KCNQ2: variants seen among roughly 807,000 people sequenced by gnomAD.
KCNQ2 encodes potassium voltage-gated channel subfamily KQT member 2.
In KCNQ2, 14 loss-of-function variants were observed where a neutral mutation model predicts 84.8. That is an observed-to-expected ratio of 0.17 (90% CI 0.11 to 0.26). The LOEUF is 0.26. KCNQ2 is among the 10% of genes least tolerant of loss of function. The pLI is 1.00. For missense variants in KCNQ2, 788 were observed against 1,254.0 expected, an observed-to-expected ratio of 0.63 and a Z score of 5.61; for synonymous variants, 599 against 554.1, an observed-to-expected ratio of 1.08 and a Z score of -1.14.
Position 63,407,390 on chromosome 20 carries a change from G to T in KCNQ2, c.1888-15C>A. 6.3e-7 allele frequency: 1 copy of T among 1,597,646 alleles called. No homozygotes were observed. Among genetic ancestry groups the T allele is most frequent in the Non-Finnish European group, 8.5e-7 (1 of 1,179,538 alleles). ...ATGGACAAGACCTGCAAAAGGGGCTGCTGGGCTGGGGTGCGAGGGCCCGTC... is the reference window on the plus strand; with the variant it reads ...ATGGACAAGACCTGCAAAAGGGGCTTCTGGGCTGGGGTGCGAGGGCCCGTC... On this transcript the variant is annotated splice_polypyrimidine_tract_variant and intron_variant, in intron 16 of 16. Transcript: ENST00000359125. This position sits in a 1 kb window ranked among gnomAD's most constrained non-coding sequence, Gnocchi z 7.2.
At chr20:63,415,160 A>C in intron 12 of KCNQ2, 34 bp from the exon 13 acceptor site, 1 of 430,936 alleles carries the variant, frequency 2.3e-6, no homozygotes, top group South Asian at 3.3e-5. Context: ...CAGACAGAAA[A>C]ACAGGGAGAG....
At chr20:63,443,255 A>G (rs1276425424) in intron 4 of KCNQ2, among the ~76,000 whole-genome samples, 2 of 46,128 alleles carry the variant, frequency 4.3e-5, no homozygotes, top group African/African-American at 1.9e-4. Flanking sequence ...TCACATCACC[A>G]TCGCCACCAT....
chr20:63,472,172 A>G lies in KCNQ2; in HGVS notation c.292T>C (p.Tyr98His). The change falls in exon 1 of 17, where the codon TAC (tyrosine) becomes CAC (histidine). Residue 98 changes from tyrosine to histidine, a missense_variant. By Grantham distance (83) the Tyr-to-His change is moderately conservative. This residue lies in a region of KCNQ2 where 106 missense variants were observed against 214.8 expected (regional missense o/e 0.49). Transcript: ENST00000359125. Reference sequence around the variant, plus strand: ...GGGGCCCCGCCGGCCACTCACACGTAGGCGTGGTAGATGAACGCCCAGCCG... The same window carrying G: ...GGGGCCCCGCCGGCCACTCACACGTGGGCGTGGTAGATGAACGCCCAGCCG... ...PRGWAFIYHA[Y>H]VFLLVFSCLV... The G allele has an allele frequency of 6.6e-7, 1 of 1,523,244 alleles. No homozygotes were observed. Among genetic ancestry groups the G allele is most frequent in the Non-Finnish European group, 8.8e-7 (1 of 1,135,888 alleles). The allele number at this position is 1,523,244 out of a possible 1,614,324, so 94.4% of individuals were successfully genotyped here.
chr20:63,433,687 A>C, intron 8 of KCNQ2, 122 bp downstream of exon 8: 3 of 1,580,110 alleles, frequency 1.9e-6, no homozygotes, highest in Non-Finnish European at 2.6e-6. Context: ...CTCCTTTGTG[A>C]AAAATACATT....
At position 63,413,975 on chromosome 20, in the gene KCNQ2, A is replaced by G. The variant is rs1179128526; in HGVS notation, c.1631+113T>C. On this transcript the variant is annotated intron_variant, in intron 14 of 16. Transcript: ENST00000359125. ...TCTTAGCCCTTTCTTTTCCCAGTAG[A>G]CTCTGTCTCTGGGCGGCTCTGTCCA... The G allele has an allele frequency of 1.1e-4, 84 of 795,332 alleles. No individual in the cohort carries two copies. In the East Asian group the frequency reaches 2.0e-3, roughly 19 times the overall value. 49.3% of individuals were successfully genotyped at this position (795,332 alleles called of 1,614,324 possible).
In KCNQ2 at chr20:63,444,659, C is replaced by A; in HGVS notation, c.690G>T (p.Lys230Asn). The A allele has an allele frequency of 6.4e-7, 1 of 1,552,500 alleles. No individual in the cohort carries two copies. The highest frequency in any genetic ancestry group is 8.7e-7 in the Non-Finnish European group (1 of 1,144,236). ...CGCCAGCCTTGGGGCCGTGACTCAC[C>A]TTGCTGTGGGCATAGACCACAGAGC... is the stretch of plus-strand genomic sequence containing the variant. ...LLGSVVYAHSKELVTAWYIGF... is the reference protein window; with the variant it reads ...LLGSVVYAHSNELVTAWYIGF... The change falls in exon 4 of 17, where the codon AAG becomes AAT. Residue 230 changes from lysine to asparagine, a missense_variant and splice_region_variant. Lys to Asn is a moderately conservative substitution (Grantham distance 94, BLOSUM62 0). Coordinates refer to ENST00000359125, the MANE Select transcript of KCNQ2 (RefSeq NM_172107.4).
chr20:63,438,449 C>A lies in KCNQ2; in HGVS notation c.1023+176G>T. The A allele has an allele frequency of 1.5e-6, 1 of 668,090 alleles. No homozygotes were observed. The highest frequency in any genetic ancestry group is 2.1e-5 in the Admixed American group (1 of 47,456). 41.4% of individuals were successfully genotyped at this position (668,090 alleles called of 1,614,324 possible). Reference sequence around the variant, plus strand: ...CCCTGTGCAGCCTCAGGGGTTGGAGCCATTTCTCAACACACACACTTCACA... The same window carrying A: ...CCCTGTGCAGCCTCAGGGGTTGGAGACATTTCTCAACACACACACTTCACA... On this transcript the variant is annotated intron_variant, in intron 7 of 16. Transcript: ENST00000359125. The surrounding 1 kb of genome is among the most constrained non-coding windows in gnomAD (Gnocchi z 5.1).
intron 12 of KCNQ2, among the ~76,000 whole-genome samples, chr20:63,419,224 C>CCG (rs1482948034): frequency 6.6e-6 from 1 of 152,050 alleles, no homozygotes; most frequent in African/African-American, 2.4e-5. Flanking sequence ...GAGCTGCCTC[C>CCG]CGCGGTCGAG....
intron 11 of KCNQ2, 130 bp downstream of exon 11, chr20:63,424,047 G>GTCACACAGTC (rs1441942975): frequency 9.7e-7 from 1 of 1,035,644 alleles, no homozygotes; most frequent in Non-Finnish European, 1.5e-6. Flanking sequence ...TGGACCCGCA[G>GTCACACAGTC]TCACACAGTC....
chr20:63,449,453 T>C (rs1478063273), intron 1 of KCNQ2: 1 of 152,106 alleles, frequency 6.6e-6, no homozygotes, highest in Non-Finnish European at 1.5e-5. Flanking sequence ...CTGCCACGGA[T>C]CAAAAAGGAA....
At chr20:63,455,417 G>A (rs757995251) in intron 1 of KCNQ2, among the ~76,000 whole-genome samples, 5 of 152,124 alleles carry the variant, frequency 3.3e-5, no homozygotes, top group Non-Finnish European at 5.9e-5. Flanking sequence ...CGTCGGCTGG[G>A]GCTCACCGCA....
chr20:63,428,424 G>T lies in KCNQ2; in HGVS notation c.1160C>A (p.Pro387Gln), dbSNP rs1473938948. 3 of 1,589,172 alleles carry T rather than the reference G, an allele frequency of 1.9e-6. No homozygotes were observed. The highest frequency in any genetic ancestry group is 2.3e-5 in the East Asian group (1 of 44,162). ...QTYGASRLIP[P>Q]LNQLELLRNL... is the part of the protein sequence containing the mutation. ...CCTCAGCAGCTCCAGCTGGTTCAGC[G>T]GGGGGATAAGTCTGGGGCAAGAGAA... The change falls in exon 10 of 17, where the codon CCG becomes CAG. Residue 387 changes from proline to glutamine, a missense_variant. Pro to Gln is a moderately conservative substitution (Grantham distance 76). This residue lies in a region of KCNQ2 where 202 missense variants were observed against 239.4 expected (regional missense o/e 0.84). Coordinates refer to ENST00000359125, the MANE Select transcript of KCNQ2 (RefSeq NM_172107.4).
intron 1 of KCNQ2, among the ~76,000 whole-genome samples, chr20:63,449,496 T>G (rs552167535): frequency 1.3e-5 from 2 of 152,308 alleles, no homozygotes; most frequent in East Asian, 1.9e-4. Flanking sequence ...AGCTATTTAG[T>G]GAGCACAGGT....
chr20:63,437,060 G>A (rs1783744110), intron 7 of KCNQ2, among the ~76,000 whole-genome samples: 1 of 152,120 alleles, frequency 6.6e-6, no homozygotes, highest in South Asian at 2.1e-4. Flanking sequence ...ATTACAGGTG[G>A]GAGCCACGGT....
Position 63,413,572 on chromosome 20 carries a change from C to T in KCNQ2, c.1641G>A (p.Arg547=), listed in dbSNP as rs775925162. The stretch of plus-strand genomic sequence containing the variant: ...TGAACTTCCGCTTGGACACCAGGAA[C>T]CGCATGACACTGCAGGGGGGTGGGT... The part of the protein sequence containing the change: ...KVSIRAVCVM[R]FLVSKRKFKE... Residue 547 remains arginine, a synonymous_variant, in exon 15 of 17, where the codon CGG becomes CGA. Coordinates refer to ENST00000359125, the MANE Select transcript of KCNQ2 (RefSeq NM_172107.4). 3 of 1,611,750 alleles carry T rather than the reference C, an allele frequency of 1.9e-6. No homozygotes were observed. In the South Asian group the frequency reaches 3.3e-5, roughly 18 times the overall value.
intron 1 of KCNQ2, among the ~76,000 whole-genome samples, chr20:63,453,055 A>ACCCCT (rs1555876537): frequency 6.6e-6 from 1 of 151,442 alleles, no homozygotes; most frequent in Non-Finnish European, 1.5e-5. Flanking sequence ...CCCACGCTGC[A>ACCCCT]CCCCTCCCCG....
chr20:63,417,785 C>G (rs1166731596), intron 12 of KCNQ2, among the ~76,000 whole-genome samples: 1 of 152,196 alleles, frequency 6.6e-6, no homozygotes, highest in Non-Finnish European at 1.5e-5. Flanking sequence ...TCAGGGGGGA[C>G]CCCCCGCTGA....
chr20:63,455,176 C>T lies in KCNQ2; in HGVS notation c.297-8339G>A, dbSNP rs529170220. 1.6e-4 allele frequency among the ~76,000 whole-genome samples: 25 copies of T among 152,328 alleles called. No homozygotes were observed. The East Asian group carries it at 4.8e-3, about 29-fold the overall frequency. On this transcript the variant is annotated intron_variant, in intron 1 of 16. Transcript: ENST00000359125. ...GGACGCTGGGAGGACGATGGGAGGA[C>T]CGAGCAGCTTCTCTGCAGCCCAGAA...
At chr20:63,443,439 TCACCACCAC>T (rs1568937880) in intron 4 of KCNQ2, among the ~76,000 whole-genome samples, 1 of 23,788 alleles carries the variant, frequency 4.2e-5, no homozygotes, top group Non-Finnish European at 9.4e-5. Context: ...ACCATCACCA[TCACCACCAC>T]CATCACCATC....
Sources: gnomAD v4.1 joint callset for allele counts (sites outside exome capture counted in the v4.1 genomes callset) on GRCh38, gnomAD v4.1.1 for gene constraint, gnomAD v4.1.1 regional missense constraint, Gnocchi (gnomAD v3.1) non-coding constraint, MANE v1.5 for transcripts, NCBI Gene and HGNC (gene_info 2026-07-23, HGNC 2026-07-21) for gene names.